KCTD8: variants seen among roughly 807,000 people sequenced by gnomAD.
KCTD8 encodes potassium channel tetramerization domain containing 8, also known as BTB/POZ domain-containing protein KCTD8.
KCTD8 carries 27 observed loss-of-function variants against 31.5 expected under a neutral mutation model. That is an observed-to-expected ratio of 0.86 (90% CI 0.63 to 1.18). The LOEUF is 1.18. Among genes scored for constraint, KCTD8 ranks in the 50% most tolerant of loss-of-function variants. The pLI, the probability that KCTD8 is intolerant of heterozygous loss-of-function variation, is 0.00. For missense variants in KCTD8, 658 were observed against 647.7 expected, an observed-to-expected ratio of 1.02 and a Z score of -0.17; for synonymous variants, 290 against 280.0, an observed-to-expected ratio of 1.04 and a Z score of -0.36.
chr4:44,337,540 G>A (rs1718780393), intron 1 of KCTD8, among the ~76,000 whole-genome samples: 1 of 151,752 alleles, frequency 6.6e-6, no homozygotes, highest in Non-Finnish European at 1.5e-5. Context: ...CAGTTGTGGT[G>A]GTGTGTACCT....
intron 1 of KCTD8, among the ~76,000 whole-genome samples, chr4:44,264,818 G>C (rs1353122838): frequency 6.6e-6 from 1 of 152,206 alleles, no homozygotes; most frequent in Non-Finnish European, 1.5e-5. Flanking sequence ...CAAACTGCAA[G>C]GCAGCAGCGA....
chr4:44,319,576 C>A (rs1243321098), intron 1 of KCTD8, among the ~76,000 whole-genome samples: 2 of 152,060 alleles, frequency 1.3e-5, no homozygotes, highest in African/African-American at 4.8e-5. Flanking sequence ...ACGCCATGAG[C>A]CCTTCCTTGT....
intron 1 of KCTD8, among the ~76,000 whole-genome samples, chr4:44,304,234 G>T (rs6827586): frequency 4.6e-5 from 7 of 152,022 alleles, no homozygotes; most frequent in African/African-American, 1.5e-4. Flanking sequence ...AGAAAAATAG[G>T]TATGTGGTAC....
chr4:44,217,113 G>A (rs1039048739), intron 1 of KCTD8, among the ~76,000 whole-genome samples: 1 of 152,170 alleles, frequency 6.6e-6, no homozygotes, highest in African/African-American at 2.4e-5. Flanking sequence ...ATCCTACTAT[G>A]CAGAGTAAAG....
At chr4:44,200,227 T>C (rs1714097103) in intron 1 of KCTD8, among the ~76,000 whole-genome samples, 2 of 149,968 alleles carry the variant, frequency 1.3e-5, no homozygotes, top group South Asian at 2.1e-4. Flanking sequence ...TTCTACCAGA[T>C]AGATAAATGA....
chr4:44,181,653 C>G (rs932503799), intron 1 of KCTD8, among the ~76,000 whole-genome samples: 1 of 152,216 alleles, frequency 6.6e-6, no homozygotes, highest in Non-Finnish European at 1.5e-5. Flanking sequence ...ATTGCAGCCT[C>G]TGCCCCGGCC....
intron 1 of KCTD8, among the ~76,000 whole-genome samples, chr4:44,378,431 C>T (rs750980043): frequency 4.6e-5 from 7 of 151,214 alleles, no homozygotes; most frequent in East Asian, 1.9e-4. Flanking sequence ...GCACGTTGTG[C>T]ATATGTACCC....
chr4:44,198,247 T>G (rs77659598), intron 1 of KCTD8, among the ~76,000 whole-genome samples: 4,854 of 152,262 alleles, frequency 0.032, 259 homozygotes, highest in African/African-American at 0.11. Context: ...GTATAGTCTA[T>G]GAAAATTTCC....
At chr4:44,338,042 G>A (rs1372720614) in intron 1 of KCTD8, among the ~76,000 whole-genome samples, 1 of 151,874 alleles carries the variant, frequency 6.6e-6, no homozygotes, top group Non-Finnish European at 1.5e-5. Context: ...TCTGTTTAAT[G>A]AGAAAAAAAT....
intron 1 of KCTD8, among the ~76,000 whole-genome samples, chr4:44,192,326 G>C (rs185403406): frequency 6.6e-6 from 1 of 151,948 alleles, no homozygotes; most frequent in East Asian, 1.9e-4. Context: ...TTACTAACAG[G>C]GTCATGTGCC....
intron 1 of KCTD8, among the ~76,000 whole-genome samples, chr4:44,434,277 CA>C (rs1350563607): frequency 6.6e-6 from 1 of 151,836 alleles, no homozygotes; most frequent in Non-Finnish European, 1.5e-5. Context: ...CTATAAATAA[CA>C]AGTAAAATAG....
intron 1 of KCTD8, among the ~76,000 whole-genome samples, chr4:44,338,095 A>AAT (rs1438941908): frequency 6.6e-6 from 1 of 152,118 alleles, no homozygotes; most frequent in East Asian, 1.9e-4. Context: ...TATTATAAAT[A>AAT]ATATATAGGT....
chr4:44,175,607 T>A (rs1332228096), intron 1 of KCTD8, among the ~76,000 whole-genome samples: 1 of 152,196 alleles, frequency 6.6e-6, no homozygotes, highest in Non-Finnish European at 1.5e-5. Context: ...TTGTTAGCCC[T>A]CTATCTGTTT....
At chr4:44,198,774 A>G (rs899524500) in intron 1 of KCTD8, among the ~76,000 whole-genome samples, 3 of 152,192 alleles carry the variant, frequency 2.0e-5, no homozygotes, top group African/African-American at 7.2e-5. Flanking sequence ...ACCAGGTTAC[A>G]AGATGATGAC....
intron 1 of KCTD8, among the ~76,000 whole-genome samples, chr4:44,257,930 G>T (rs1716036256): frequency 6.6e-6 from 1 of 151,908 alleles, no homozygotes; most frequent in Admixed American, 6.6e-5. Flanking sequence ...TGATATTCAT[G>T]GACAGCCTCA....
chr4:44,351,799 G>A (rs144801618), intron 1 of KCTD8, among the ~76,000 whole-genome samples: 131 of 152,080 alleles, frequency 8.6e-4, no homozygotes, highest in African/African-American at 2.7e-3. Context: ...CAGCAGAGAC[G>A]GTATAGTTAT....
chr4:44,441,357 A>G (rs1013735096), intron 1 of KCTD8, among the ~76,000 whole-genome samples: 8 of 152,184 alleles, frequency 5.3e-5, no homozygotes, highest in Non-Finnish European at 2.9e-5. Context: ...ATTTTCTTTA[A>G]CTATAAAAAT....
intron 1 of KCTD8, among the ~76,000 whole-genome samples, chr4:44,414,137 A>T (rs534389911): frequency 6.6e-6 from 1 of 152,190 alleles, no homozygotes; most frequent in South Asian, 2.1e-4. Context: ...AAGCCACTAA[A>T]TTTGTGGCAA....
At chr4:44,271,615 C>T (rs1267213636) in intron 1 of KCTD8, among the ~76,000 whole-genome samples, 1 of 152,134 alleles carries the variant, frequency 6.6e-6, no homozygotes, top group African/African-American at 2.4e-5. Context: ...GCAAGGAACA[C>T]CTGGCCCACC....
Sources: gnomAD v4.1 joint callset for allele counts (sites outside exome capture counted in the v4.1 genomes callset) on GRCh38, gnomAD v4.1.1 for gene constraint, MANE v1.5 for transcripts, NCBI Gene and HGNC (gene_info 2026-07-23, HGNC 2026-07-21) for gene names.